The following INPP5B variants were observed in gnomAD, a reference collection of about 807,000 sequenced individuals.
The protein encoded by INPP5B is inositol polyphosphate-5-phosphatase B.
Under a neutral mutation model 118.5 loss-of-function variants are expected in INPP5B, and 90 were observed. That is an observed-to-expected ratio of 0.76 (90% CI 0.64 to 0.90). The LOEUF is 0.90. INPP5B is among the 40% of genes least tolerant of loss of function. The pLI is 0.00. For missense variants in INPP5B, 984 were observed against 1,125.6 expected, an observed-to-expected ratio of 0.87 and a Z score of 1.80; for synonymous variants, 385 against 418.9, an observed-to-expected ratio of 0.92 and a Z score of 0.99.
At chr1:37,905,962 AT>A (rs1278170718) in intron 7 of INPP5B, among the ~76,000 whole-genome samples, 2 of 152,284 alleles carry the variant, frequency 1.3e-5, no homozygotes, top group African/African-American at 4.8e-5. Context: ...TTTAGACCGT[AT>A]TTGTTTCACT....
At chr1:37,900,021 G>A (rs1158946316) in intron 7 of INPP5B, among the ~76,000 whole-genome samples, 2 of 147,374 alleles carry the variant, frequency 1.4e-5, no homozygotes, top group Admixed American at 1.3e-4. Flanking sequence ...GCTGAACTAC[G>A]TTCCACTGGA....
intron 20 of INPP5B, 38 bp from the exon 21 acceptor site, chr1:37,866,581 T>C: frequency 8.0e-7 from 1 of 1,254,754 alleles, no homozygotes; most frequent in South Asian, 1.2e-5. Flanking sequence ...AATTATTTTC[T>C]CAGAAAATCA....
intron 7 of INPP5B, among the ~76,000 whole-genome samples, chr1:37,908,640 C>T (rs932470200): frequency 6.6e-6 from 1 of 151,870 alleles, no homozygotes; most frequent in Non-Finnish European, 1.5e-5. Flanking sequence ...AAAACTCTGG[C>T]GCCAGTCACG....
In INPP5B at chr1:37,864,426, G is replaced by A; in HGVS notation, c.2515-3C>T. On this transcript the variant is annotated splice_polypyrimidine_tract_variant and splice_region_variant and intron_variant, in intron 22 of 23. Transcript: ENST00000373024. ...AATATGGGGAGAGTAGAAATGACCT[G>A]AAAGAGGAAGAACCGGGATTTGTCT... 1 of 1,525,692 alleles carries A rather than the reference G, an allele frequency of 6.6e-7. No individual in the cohort carries two copies. The highest frequency in any genetic ancestry group is 9.1e-7 in the Non-Finnish European group (1 of 1,100,626). 94.5% of individuals were successfully genotyped at this position (1,525,692 alleles called of 1,614,324 possible). A position where few individuals can be genotyped will look rare whatever the true frequency, so the allele number is the denominator to read the frequency against.
At chr1:37,938,287 A>AAATCAATC (rs1208616104) in intron 6 of INPP5B, among the ~76,000 whole-genome samples, 1 of 140,870 alleles carries the variant, frequency 7.1e-6, no homozygotes, top group Non-Finnish European at 1.6e-5. Flanking sequence ...ATAAATAAAT[A>AAATCAATC]AATAAATAAA....
At position 37,875,716 on chromosome 1, in the gene INPP5B, C is replaced by G; in HGVS notation, c.1678G>C (p.Val560Leu). The G allele has an allele frequency of 6.2e-7, 1 of 1,611,410 alleles. No individual in the cohort carries two copies. Among genetic ancestry groups the G allele is most frequent in the South Asian group, 1.1e-5 (1 of 91,000 alleles). ...TAAAGCTCGTCATTTACGACCCTCACCTGAAAGGGAAACATCAGAGACTGA... is the reference window on the plus strand; with the variant it reads ...TAAAGCTCGTCATTTACGACCCTCAGCTGAAAGGGAAACATCAGAGACTGA... ...KPVSSVFDIG[V>L]RVVNDELYRK... Residue 560 changes from valine (V) to leucine (L), a missense_variant and splice_region_variant, in exon 17 of 24, where the codon GTG becomes CTG. Around this residue, in one of 2 missense-constraint regions of INPP5B, gnomAD observed 634 missense variants for 791.0 expected, o/e 0.80. Transcript: ENST00000373024.
intron 7 of INPP5B, among the ~76,000 whole-genome samples, chr1:37,921,980 C>T (rs1355311081): frequency 6.6e-6 from 1 of 151,958 alleles, no homozygotes; most frequent in African/African-American, 2.4e-5. Context: ...TGCAATGAGC[C>T]GAGATCATGC....
intron 7 of INPP5B, among the ~76,000 whole-genome samples, chr1:37,921,348 G>C (rs1407722719): frequency 2.0e-5 from 3 of 152,180 alleles, no homozygotes; most frequent in Admixed American, 1.3e-4. Context: ...GGTAACTCTT[G>C]AGTGACATTC....
At chr1:37,925,698 T>A (rs1038680148) in intron 7 of INPP5B, among the ~76,000 whole-genome samples, 1 of 152,178 alleles carries the variant, frequency 6.6e-6, no homozygotes, top group Non-Finnish European at 1.5e-5. Context: ...TCTAACTGAG[T>A]GTTTGTGGGT....
At chr1:37,922,121 G>A (rs531946680) in intron 7 of INPP5B, among the ~76,000 whole-genome samples, 49 of 152,324 alleles carry the variant, frequency 3.2e-4, no homozygotes, top group African/African-American at 1.2e-3. Flanking sequence ...AGAACCACTT[G>A]AACATGGGAG....
intron 6 of INPP5B, among the ~76,000 whole-genome samples, chr1:37,937,170 G>C (rs1266891042): frequency 6.6e-6 from 1 of 151,844 alleles, no homozygotes; most frequent in Non-Finnish European, 1.5e-5. Flanking sequence ...AATTAGCCAG[G>C]CATGGTGGCG....
intron 5 of INPP5B, among the ~76,000 whole-genome samples, 196 bp downstream of exon 5, chr1:37,943,444 C>A (rs938726880): frequency 2.0e-5 from 3 of 151,876 alleles, no homozygotes; most frequent in Non-Finnish European, 4.4e-5. Flanking sequence ...TGTGTGTTAT[C>A]GGGGGAGACG....
chr1:37,875,523 C>T, intron 17 of INPP5B, 83 bp downstream of exon 17: 2 of 1,020,588 alleles, frequency 2.0e-6, no homozygotes, highest in Non-Finnish European at 3.0e-6. Context: ...CCACCTTGGC[C>T]TCCCAAAGTG....
chr1:37,934,223 C>T (rs538098062), intron 6 of INPP5B, among the ~76,000 whole-genome samples: 1 of 152,182 alleles, frequency 6.6e-6, no homozygotes, highest in African/African-American at 2.4e-5. Context: ...GTGAGCCACC[C>T]CATCCGGCCC....
At position 37,866,558 on chromosome 1, in the gene INPP5B, A is replaced by G. The variant is rs1260764188; in HGVS notation, c.2302-15T>C. ...AACAGATCTTCCTGCAAAAGGGAAG[A>G]CAGTAACAAAATAATTATTTTCTCA... On this transcript the variant is annotated splice_polypyrimidine_tract_variant and intron_variant, in intron 20 of 23. Coordinates refer to ENST00000373024, the MANE Select transcript of INPP5B (RefSeq NM_005540.3). The G allele has an allele frequency of 3.8e-5, 56 of 1,475,578 alleles. No individual in the cohort carries two copies. The highest frequency in any genetic ancestry group is 5.3e-5 in the Non-Finnish European group (56 of 1,053,898). The allele number at this position is 1,475,578 out of a possible 1,614,324, so 91.4% of individuals were successfully genotyped here.
intron 7 of INPP5B, among the ~76,000 whole-genome samples, chr1:37,903,265 C>G (rs1359730945): frequency 6.6e-6 from 1 of 152,144 alleles, no homozygotes; most frequent in Non-Finnish European, 1.5e-5. Flanking sequence ...TAAAACCCAC[C>G]AAACCAAGAT....
intron 13 of INPP5B, chr1:37,883,452 G>A: frequency 2.0e-6 from 2 of 985,420 alleles, no homozygotes; most frequent in African/African-American, 1.7e-5. Context: ...ACTGCAGAGT[G>A]GAGTGTAGAA....
chr1:37,890,670 G>A (rs1041650018), intron 8 of INPP5B, among the ~76,000 whole-genome samples: 46 of 152,248 alleles, frequency 3.0e-4, no homozygotes, highest in African/African-American at 1.1e-3. Context: ...TCACTTCAGA[G>A]TCAGGAAACA....
chr1:37,923,859 T>C (rs541945413), intron 7 of INPP5B, among the ~76,000 whole-genome samples: 82 of 151,746 alleles, frequency 5.4e-4, no homozygotes, highest in African/African-American at 1.9e-3. Context: ...CACTGCAACC[T>C]CTGCCTCCAG....
Sources: allele counts gnomAD v4.1 joint callset (sites outside exome capture counted in the v4.1 genomes callset), GRCh38; gene constraint gnomAD v4.1.1; regional missense constraint gnomAD v4.1.1; transcripts MANE v1.5; gene names NCBI Gene and HGNC (gene_info 2026-07-23, HGNC 2026-07-21).